TIAM1: variants seen among roughly 807,000 people sequenced by gnomAD.
TIAM1 encodes the protein rho guanine nucleotide exchange factor TIAM1.
TIAM1 carries 65 observed loss-of-function variants against 163.5 expected under a neutral mutation model. The observed-to-expected ratio is 0.40, with a 90% CI of 0.33 to 0.49. TIAM1 has a LOEUF of 0.49. Ranked by LOEUF, TIAM1 falls within the 20% of genes least tolerant of loss-of-function variation. The probability of loss-of-function intolerance (pLI) is 0.77; values close to 1 mark genes in which losing one functional copy is unlikely to be tolerated. For synonymous variants in TIAM1, 833 were observed against 810.1 expected, an observed-to-expected ratio of 1.03 and a Z score of -0.48; for missense variants, 1,789 against 2,044.7, an observed-to-expected ratio of 0.87 and a Z score of 2.41.
At chr21:31,315,326 A>G (rs1454349469) in intron 2 of TIAM1, among the ~76,000 whole-genome samples, 1 of 152,026 alleles carries the variant, frequency 6.6e-6, no homozygotes, top group Non-Finnish European at 1.5e-5. Context: ...CATCCTGGCT[A>G]ACACGGTGAA....
At chr21:31,459,722 C>T (rs899330795) in intron 2 of TIAM1, among the ~76,000 whole-genome samples, 2 of 152,138 alleles carry the variant, frequency 1.3e-5, no homozygotes, top group African/African-American at 4.8e-5. Context: ...GAGCACCCAC[C>T]ACCTGGGAGA....
rs774466460 is a variant in TIAM1, at chr21:31,141,267, C to G, written c.3656-31G>C. On this transcript the variant is annotated intron_variant, in intron 21 of 27. Transcript: ENST00000541036. This position sits in a 1 kb window ranked among gnomAD's most constrained non-coding sequence, Gnocchi z 4.7. ...AGAAAACAGGTTGTGAAATGAGAGG[C>G]TATTTAGAGACCCTCATGGAGACTC... 5.6e-6 allele frequency: 9 copies of G among 1,613,522 alleles called. No individual in the cohort carries two copies. The Admixed American group carries it at 1.5e-4, about 27-fold the overall frequency.
intron 1 of TIAM1, among the ~76,000 whole-genome samples, chr21:31,550,279 T>C (rs144884527): frequency 1.1e-3 from 169 of 152,238 alleles, no homozygotes; most frequent in Non-Finnish European, 1.8e-3. Flanking sequence ...AGTATACCCA[T>C]ACAATGGAAT....
chr21:31,237,109 G>A (rs1198505655), intron 6 of TIAM1, among the ~76,000 whole-genome samples: 1 of 152,194 alleles, frequency 6.6e-6, no homozygotes, highest in Non-Finnish European at 1.5e-5. Flanking sequence ...ATGGTTGAAA[G>A]CTGGGAGATC....
At chr21:31,434,860 T>C (rs929168651) in intron 2 of TIAM1, among the ~76,000 whole-genome samples, 8 of 152,214 alleles carry the variant, frequency 5.3e-5, no homozygotes, top group African/African-American at 1.4e-4. Context: ...ACGGAGACTT[T>C]TGCCAACAAG....
intron 1 of TIAM1, among the ~76,000 whole-genome samples, chr21:31,473,201 G>A (rs1250767317): frequency 2.6e-5 from 4 of 152,190 alleles, no homozygotes; most frequent in South Asian, 2.1e-4. Context: ...GAGGCCAAGC[G>A]GGCAGATCAC....
At chr21:31,219,621 A>G (rs2087430655) in intron 8 of TIAM1, among the ~76,000 whole-genome samples, 1 of 152,130 alleles carries the variant, frequency 6.6e-6, no homozygotes, top group African/African-American at 2.4e-5. Flanking sequence ...CAGGAATCAA[A>G]ACGGCTTCTC....
intron 2 of TIAM1, among the ~76,000 whole-genome samples, chr21:31,438,164 T>C (rs1159406607): frequency 1.3e-5 from 2 of 149,306 alleles, no homozygotes; most frequent in African/African-American, 2.5e-5. Context: ...ACATATGTAA[T>C]TGCGTATTTG....
chr21:31,455,810 A>G (rs535891206), intron 2 of TIAM1, among the ~76,000 whole-genome samples: 10 of 152,332 alleles, frequency 6.6e-5, no homozygotes, highest in African/African-American at 2.4e-4. Flanking sequence ...ATAGCCTGCC[A>G]TCCTCAAAAG....
At chr21:31,425,895 G>A (rs554370664) in intron 2 of TIAM1, among the ~76,000 whole-genome samples, 8 of 151,920 alleles carry the variant, frequency 5.3e-5, no homozygotes, top group Middle Eastern at 3.4e-3. Context: ...ATAGGGTTTT[G>A]CTAATTTTTG....
At position 31,141,581 on chromosome 21, in the gene TIAM1, A is replaced by AC; in HGVS notation, c.3476-78_3476-77insG. On this transcript the variant is annotated intron_variant, in intron 20 of 27. Transcript: ENST00000541036. This position sits in a 1 kb window ranked among gnomAD's most constrained non-coding sequence, Gnocchi z 4.7. ...TTCCCACAATTTCCCTCCCTTCCTCAGTGACTCCAAGGTGCCTTTTTGCAG... is the reference window on the plus strand; with the variant it reads ...TTCCCACAATTTCCCTCCCTTCCTCACGTGACTCCAAGGTGCCTTTTTGCAG... 1.9e-6 allele frequency: 3 copies of AC among 1,542,148 alleles called. No homozygotes were observed. Among genetic ancestry groups the AC allele is most frequent in the Non-Finnish European group, 2.6e-6 (3 of 1,133,646 alleles).
chr21:31,305,342 G>C (rs2074661813), intron 2 of TIAM1, among the ~76,000 whole-genome samples: 1 of 151,906 alleles, frequency 6.6e-6, no homozygotes, highest in Non-Finnish European at 1.5e-5. Flanking sequence ...GGCCAAAAAG[G>C]CTGGATCTCA....
intron 3 of TIAM1, among the ~76,000 whole-genome samples, chr21:31,273,134 G>A (rs2073137552): frequency 1.3e-5 from 2 of 152,282 alleles, no homozygotes; most frequent in African/African-American, 2.4e-5. Context: ...CCATTTAAGG[G>A]TGAGTTTCCT....
chr21:31,163,134 C>T (rs1007510827), intron 16 of TIAM1, among the ~76,000 whole-genome samples: 1 of 152,090 alleles, frequency 6.6e-6, no homozygotes, highest in African/African-American at 2.4e-5. Context: ...CATTTTGGAT[C>T]CAATACTTTT....
intron 1 of TIAM1, among the ~76,000 whole-genome samples, chr21:31,488,405 C>G (rs1157704513): frequency 6.6e-6 from 1 of 152,134 alleles, no homozygotes; most frequent in Non-Finnish European, 1.5e-5. Context: ...TATCTGTATT[C>G]TGTGTGATCC....
chr21:31,501,329 T>C (rs2046841862), intron 1 of TIAM1, among the ~76,000 whole-genome samples: 1 of 152,040 alleles, frequency 6.6e-6, no homozygotes, highest in African/African-American at 2.4e-5. Flanking sequence ...TTTTTTGTTT[T>C]TAAAAACGGA....
chr21:31,517,552 G>C (rs2047426311), intron 1 of TIAM1, among the ~76,000 whole-genome samples: 1 of 152,160 alleles, frequency 6.6e-6, no homozygotes, highest in African/African-American at 2.4e-5. Context: ...ACACGCAGAA[G>C]AGGAAAAAGC....
At chr21:31,157,148 G>A (rs946685868) in intron 16 of TIAM1, among the ~76,000 whole-genome samples, 11 of 152,254 alleles carry the variant, frequency 7.2e-5, no homozygotes, top group Middle Eastern at 3.4e-3. Flanking sequence ...AAATCACCAC[G>A]CTTCTAAATA....
intron 15 of TIAM1, among the ~76,000 whole-genome samples, chr21:31,179,152 C>T (rs529918923): frequency 7.9e-5 from 12 of 151,532 alleles, no homozygotes; most frequent in Non-Finnish European, 1.8e-4. Context: ...TTTGGGAGGC[C>T]GAGGCGGGCA....
Sources: gnomAD v4.1 joint callset for allele counts (sites outside exome capture counted in the v4.1 genomes callset) on GRCh38, gnomAD v4.1.1 for gene constraint, Gnocchi (gnomAD v3.1) non-coding constraint, MANE v1.5 for transcripts, NCBI Gene and HGNC (gene_info 2026-07-23, HGNC 2026-07-21) for gene names.